LRGUK: variants seen among roughly 807,000 people sequenced by gnomAD.
LRGUK encodes the protein leucine-rich repeat and guanylate kinase domain-containing protein.
Under a neutral mutation model 76.0 loss-of-function variants are expected in LRGUK, and 65 were observed. The ratio of observed to expected loss-of-function variants is 0.85; its 90% confidence interval spans 0.70 to 1.05. The LOEUF (loss-of-function observed/expected upper bound fraction) is 1.05, where lower values mean the gene tolerates loss of function less well. LRGUK is among the 50% of genes least tolerant of loss of function. LRGUK has a pLI of 0.00. For missense variants in LRGUK, 758 were observed against 732.8 expected, an observed-to-expected ratio of 1.03 and a Z score of -0.40; for synonymous variants, 268 against 265.6, an observed-to-expected ratio of 1.01 and a Z score of -0.09.
At chr7:134,161,777 G>A (rs990137938) in intron 6 of LRGUK, among the ~76,000 whole-genome samples, 24 of 144,670 alleles carry the variant, frequency 1.7e-4, no homozygotes, top group African/African-American at 6.2e-4. Context: ...TACAAGCTCC[G>A]CCTCCCGGAT....
At position 134,183,725 on chromosome 7, in the gene LRGUK, G is replaced by T; in HGVS notation, c.1215-9G>T. Reference sequence around the variant, plus strand: ...CAATAGGAGAACTGACTCTGGTCCTGTGTTGTAGCACTCTTCCCAGCCTGG... The same window carrying T: ...CAATAGGAGAACTGACTCTGGTCCTTTGTTGTAGCACTCTTCCCAGCCTGG... On this transcript the variant is annotated splice_polypyrimidine_tract_variant and intron_variant, in intron 10 of 15. Coordinates refer to ENST00000645682, the Ensembl canonical transcript of LRGUK. 1 of 1,613,780 alleles carries T rather than the reference G, an allele frequency of 6.2e-7. No individual in the cohort carries two copies. The highest frequency in any genetic ancestry group is 1.7e-5 in the Admixed American group (1 of 60,004).
At chr7:134,216,502 T>C (rs1271310544) in intron 15 of LRGUK, among the ~76,000 whole-genome samples, 1 of 152,138 alleles carries the variant, frequency 6.6e-6, no homozygotes, top group Non-Finnish European at 1.5e-5. Flanking sequence ...GAAACATCAA[T>C]TCTGAGATTA....
At chr7:134,172,217 C>G (rs879829621) in intron 7 of LRGUK, among the ~76,000 whole-genome samples, 2 of 151,890 alleles carry the variant, frequency 1.3e-5, no homozygotes, top group Non-Finnish European at 2.9e-5. Flanking sequence ...GTACTGTTAC[C>G]CATTTAATTA....
intron 19 of LRGUK, among the ~76,000 whole-genome samples, chr7:134,260,556 A>G (rs910484037): frequency 6.6e-6 from 1 of 152,212 alleles, no homozygotes; most frequent in Non-Finnish European, 1.5e-5. Flanking sequence ...TGCAGGCTTC[A>G]CATCTTTTCA....
chr7:134,263,521 C>G (rs1316715134), intron 19 of LRGUK, among the ~76,000 whole-genome samples: 1 of 145,892 alleles, frequency 6.9e-6, no homozygotes, highest in Non-Finnish European at 1.5e-5. Flanking sequence ...GTAGCATCCT[C>G]TGGTCATTGG....
rs749370596 is a variant in LRGUK at position 134,197,022 on chromosome 7, A to T, written c.1462A>T (p.Asn488Tyr). The T allele has an allele frequency of 1.6e-5, 26 of 1,607,516 alleles. No individual in the cohort carries two copies. Among genetic ancestry groups the T allele is most frequent in the Non-Finnish European group, 1.7e-6 (2 of 1,175,318 alleles). Residue 488 changes from asparagine to tyrosine, a missense_variant, in exon 13 of 16, where the codon AAT becomes TAT. Physicochemically the swap from Asn to Tyr is moderately radical, Grantham distance 143 (BLOSUM62 -2). Coordinates refer to ENST00000645682, the Ensembl canonical transcript of LRGUK. Reference sequence around the variant, plus strand: ...ATTCATTCTAACATTTAGTTATGGTAATCACAAGTATGGATTAAATAGGGA... The same window carrying T: ...ATTCATTCTAACATTTAGTTATGGTTATCACAAGTATGGATTAAATAGGGA...
intron 16 of LRGUK, among the ~76,000 whole-genome samples, chr7:134,228,913 A>G (rs889395259): frequency 6.6e-6 from 1 of 152,178 alleles, no homozygotes; most frequent in African/African-American, 2.4e-5. Flanking sequence ...GTAATTCAAC[A>G]TGGTGTCAGA....
downstream of LRGUK, among the ~76,000 whole-genome samples, chr7:134,266,291 T>C (rs1404641249): frequency 1.3e-5 from 2 of 152,182 alleles, no homozygotes; most frequent in South Asian, 2.1e-4. Context: ...CATCAATATA[T>C]GCCCACACCA....
chr7:134,150,297 A>T (rs1292298233), intron 5 of LRGUK, among the ~76,000 whole-genome samples: 1 of 151,580 alleles, frequency 6.6e-6, no homozygotes, highest in Non-Finnish European at 1.5e-5. Flanking sequence ...AAAAACAAAA[A>T]AAAACAAAAA....
chr7:134,246,644 G>C (rs951964515), intron 16 of LRGUK, among the ~76,000 whole-genome samples: 1 of 152,114 alleles, frequency 6.6e-6, no homozygotes, highest in East Asian at 1.9e-4. Context: ...GTGGAGCCTG[G>C]TAATGACATA....
the LRGUK span, among the ~76,000 whole-genome samples, chr7:134,276,118 G>A: frequency 2.0e-5 from 3 of 152,314 alleles, no homozygotes; most frequent in Non-Finnish European, 4.4e-5. Context: ...TTCTCCCAAA[G>A]AGGGCACTGT....
intron 4 of LRGUK, among the ~76,000 whole-genome samples, chr7:134,146,973 A>T (rs1797997206): frequency 6.6e-6 from 1 of 152,184 alleles, no homozygotes; most frequent in Admixed American, 6.5e-5. Flanking sequence ...ATCTTTTGTC[A>T]GCAGGTGAAT....
Position 134,229,320 on chromosome 7 carries a change from G to A in LRGUK, c.1983+7402G>A, listed in dbSNP as rs867969520. 5.3e-5 allele frequency among the ~76,000 whole-genome samples: 8 copies of A among 151,436 alleles called. No individual in the cohort carries two copies. The South Asian group carries it at 1.0e-3, about 20-fold the overall frequency. On this transcript the variant is annotated intron_variant, in intron 16 of 19. Transcript: ENST00000285928. ...TGGAGTTGCAGTGAGCTGAGATCGC[G>A]CCACTGCGCTCCAGCCTGGGTGACA... is the stretch of plus-strand genomic sequence containing the variant.
At chr7:134,215,031 A>G (rs1309238259), downstream of LRGUK, among the ~76,000 whole-genome samples, 1 of 152,178 alleles carries the variant, frequency 6.6e-6, no homozygotes, top group Admixed American at 6.5e-5. Context: ...TCTAAGATCC[A>G]CTTACTGCAG....
intron 11 of LRGUK, among the ~76,000 whole-genome samples, chr7:134,184,366 T>A (rs1019315610): frequency 6.6e-6 from 1 of 150,544 alleles, no homozygotes; most frequent in African/African-American, 2.5e-5. Flanking sequence ...ACCTCTCGGG[T>A]TCATACCATT....
At chr7:134,228,450 A>C (rs1445340594) in intron 16 of LRGUK, among the ~76,000 whole-genome samples, 1 of 152,196 alleles carries the variant, frequency 6.6e-6, no homozygotes. Context: ...ATCTGAATAC[A>C]TGAGTAAATC....
At position 134,140,376 on chromosome 7, in the gene LRGUK, ATTCT is replaced by A. The variant is rs1585422148; in HGVS notation, c.487+863_487+866del. 2.0e-5 allele frequency among the ~76,000 whole-genome samples: 3 copies of A among 152,062 alleles called. No homozygotes were observed. In the East Asian group the frequency reaches 5.8e-4, roughly 29 times the overall value. On this transcript the variant is annotated intron_variant, in intron 3 of 15. Transcript: ENST00000645682. ...CTTTTTTGCTGTCTTTATTTAGTTGATTCTTTCAACTCTAACTCCACAATTTGTA... is the reference window on the plus strand; with the variant it reads ...CTTTTTTGCTGTCTTTATTTAGTTGATTCAACTCTAACTCCACAATTTGTA...
intron 19 of LRGUK, among the ~76,000 whole-genome samples, chr7:134,262,360 C>T (rs975798129): frequency 1.3e-5 from 2 of 152,164 alleles, no homozygotes; most frequent in African/African-American, 4.8e-5. Context: ...GGTGCCAAAG[C>T]GAGACTCTGT....
chr7:134,163,665 T>C (rs1798854236), intron 7 of LRGUK, 125 bp downstream of exon 7: 4 of 803,956 alleles, frequency 5.0e-6, no homozygotes, highest in Non-Finnish European at 7.0e-6. Context: ...CTTAGAAATA[T>C]TGTTCTAGCA....
Sources: allele counts gnomAD v4.1 joint callset (sites outside exome capture counted in the v4.1 genomes callset), GRCh38; gene constraint gnomAD v4.1.1; transcripts MANE v1.5; gene names NCBI Gene and HGNC (gene_info 2026-07-23, HGNC 2026-07-21).